Variants in RTN3 observed in about 807,000 individuals in gnomAD.
RTN3 encodes reticulon 3.
A neutral mutation model predicts 77.8 loss-of-function variants in RTN3; 49 were observed. The ratio of observed to expected loss-of-function variants is 0.63; its 90% CI spans 0.50 to 0.80. The LOEUF is 0.80. Among genes scored for constraint, RTN3 ranks in the 30% least tolerant of loss-of-function variants. RTN3 has a pLI of 0.00. For missense variants in RTN3, 1,236 were observed against 1,211.9 expected, an observed-to-expected ratio of 1.02 and a Z score of -0.29; for synonymous variants, 464 against 446.9, an observed-to-expected ratio of 1.04 and a Z score of -0.48.
Position 63,720,232 on chromosome 11 carries a change from C to G in RTN3, c.1730C>G (p.Ala577Gly). The G allele has an allele frequency of 6.2e-7, 1 of 1,614,082 alleles. No homozygotes were observed. The change falls in exon 3 of 9, where the codon GCT (alanine) becomes GGT (glycine). Residue 577 changes from alanine to glycine, a missense_variant. Physicochemically the swap from Ala to Gly is moderately conservative, Grantham distance 60. Around this residue, in one of 3 missense-constraint regions of RTN3, gnomAD observed 1,056 missense variants for 990.4 expected, o/e 1.07. Coordinates refer to ENST00000377819, the MANE Select transcript of RTN3 (RefSeq NM_001265589.2). ...DQPDILGRSP[A>G]SEAACSKVPD... ...CCTGATATTCTTGGAAGGAGTCCAG[C>G]TAGTGAGGCAGCATGTTCAAAAGTA...
At chr11:63,693,546 A>G (rs1034048933) in intron 1 of RTN3, among the ~76,000 whole-genome samples, 4 of 152,186 alleles carry the variant, frequency 2.6e-5, no homozygotes, top group Non-Finnish European at 4.4e-5. Context: ...ATTCATTCAT[A>G]AACTTTAGGT....
At position 63,750,072 on chromosome 11, in the gene RTN3, C is replaced by G. The variant is rs1168628509; in HGVS notation, c.2612C>G (p.Ala871Gly). ...ACGCTGATCATGCTGCTTTCCCTGGCAGCTTTCAGTGTCATCAGTGTGGTT... is the reference window on the plus strand; with the variant it reads ...ACGCTGATCATGCTGCTTTCCCTGGGAGCTTTCAGTGTCATCAGTGTGGTT... ...GTTLIMLLSL[A>G]AFSVISVVSY... Residue 871 changes from alanine (A) to glycine (G), a missense_variant, in exon 4 of 9, where the codon GCA (alanine) becomes GGA (glycine). Ala to Gly is a moderately conservative substitution (Grantham distance 60). This residue lies in a region of RTN3 where 39 missense variants were observed against 66.6 expected (regional missense o/e 0.59). Transcript: ENST00000377819. The G allele has an allele frequency of 6.2e-7, 1 of 1,613,526 alleles. No individual in the cohort carries two copies. Among genetic ancestry groups the G allele is most frequent in the East Asian group, 2.2e-5 (1 of 44,900 alleles).
At chr11:63,703,022 A>G (rs1230534586) in intron 1 of RTN3, among the ~76,000 whole-genome samples, 1 of 152,112 alleles carries the variant, frequency 6.6e-6, no homozygotes, top group Non-Finnish European at 1.5e-5. Flanking sequence ...TAGATGGACT[A>G]TGTCTACGTA....
intron 1 of RTN3, among the ~76,000 whole-genome samples, chr11:63,689,860 C>T (rs1434985907): frequency 1.3e-5 from 2 of 152,058 alleles, no homozygotes; most frequent in African/African-American, 4.8e-5. Flanking sequence ...CGGGTTCAAG[C>T]GATTCTCCTG....
rs757063356 is a variant in RTN3, at chr11:63,719,986, ATAG to A, written c.1486_1488del (p.Ser497del). 2 of 1,614,164 alleles carry A rather than the reference ATAG, an allele frequency of 1.2e-6. No homozygotes were observed. Among genetic ancestry groups the A allele is most frequent in the Non-Finnish European group, 1.7e-6 (2 of 1,180,002 alleles). On this transcript the variant is annotated inframe_deletion, in exon 3 of 9. Transcript: ENST00000377819. ...GCATTGGGAGAAATCACAGAAGCTG[ATAG>A]TTCTGGTGAGTCTGATGACACAGTA...
intron 1 of RTN3, 47 bp downstream of exon 1, chr11:63,681,825 A>G: frequency 6.7e-7 from 1 of 1,490,770 alleles, no homozygotes; most frequent in Admixed American, 2.4e-5. Flanking sequence ...GGCGAGCGGG[A>G]GCCTGGGGGC....
chr11:63,723,349 GAAAT>G (rs758506854), intron 3 of RTN3, among the ~76,000 whole-genome samples: 25 of 150,092 alleles, frequency 1.7e-4, no homozygotes, highest in South Asian at 1.0e-3. Flanking sequence ...TCATTGCAGT[GAAAT>G]AAATAAATAA....
intron 1 of RTN3, 118 bp downstream of exon 1, chr11:63,681,896 AGCCCCCC>A: frequency 1.8e-6 from 2 of 1,128,110 alleles, no homozygotes; most frequent in Non-Finnish European, 2.4e-6. Flanking sequence ...TGACGGCTTC[AGCCCCCC>A]GGGGACGAGC....
In RTN3 at chr11:63,724,173, C is replaced by CTTTT. The variant is rs958114305; in HGVS notation, c.2530+3165_2530+3168dup. On this transcript the variant is annotated intron_variant, in intron 3 of 8. Transcript: ENST00000377819. Reference sequence around the variant, plus strand: ...CCTAGCAATCTTGTTTTTAGGAATTCTTTTTTTTTTTTTTTTTTTTTTTTT... The same window carrying CTTTT: ...CCTAGCAATCTTGTTTTTAGGAATTCTTTTTTTTTTTTTTTTTTTTTTTTTTTTT... Among the ~76,000 whole-genome samples the CTTTT allele has an allele frequency of 8.4e-4, 72 of 85,454 alleles. 2 individuals carry two copies. The highest frequency in any genetic ancestry group is 2.0e-3 in the African/African-American group (41 of 20,606). The allele number at this position is 85,454 out of a possible 152,430, so 56.1% of individuals were successfully genotyped here. A position where few individuals can be genotyped will look rare whatever the true frequency, so the allele number is the denominator to read the frequency against.
At chr11:63,710,269 AATC>A (rs1942687324) in intron 2 of RTN3, among the ~76,000 whole-genome samples, 1 of 152,108 alleles carries the variant, frequency 6.6e-6, no homozygotes, top group Non-Finnish European at 1.5e-5. Context: ...GGACTCAAGC[AATC>A]TTCCCGCCTC....
At chr11:63,747,113 TG>T (rs2013843413) in intron 3 of RTN3, 1 of 427,774 alleles carries the variant, frequency 2.3e-6, no homozygotes, top group African/African-American at 2.0e-5. Context: ...CAATCTGGGT[TG>T]GTCTGGTGTT....
At chr11:63,746,401 G>C (rs999164410) in intron 3 of RTN3, among the ~76,000 whole-genome samples, 1 of 152,150 alleles carries the variant, frequency 6.6e-6, no homozygotes, top group African/African-American at 2.4e-5. Context: ...TTTGAGAGCT[G>C]ATTGCAAACA....
intron 1 of RTN3, among the ~76,000 whole-genome samples, chr11:63,691,559 A>G (rs1018072722): frequency 3.9e-5 from 6 of 151,964 alleles, no homozygotes; most frequent in African/African-American, 1.5e-4. Context: ...GCCTGTCCCA[A>G]TCTTTCCTTT....
At chr11:63,744,208 C>A (rs1244274618) in intron 3 of RTN3, among the ~76,000 whole-genome samples, 1 of 118,502 alleles carries the variant, frequency 8.4e-6, no homozygotes, top group Non-Finnish European at 1.6e-5. Flanking sequence ...CACCATTGCA[C>A]TCGAGCCTGG....
chr11:63,752,957 T>G, intron 5 of RTN3, 112 bp from the exon 6 acceptor site: 1 of 1,038,696 alleles, frequency 9.6e-7, no homozygotes, highest in Non-Finnish European at 1.5e-6. Context: ...ATTGTCCATG[T>G]CACACATCAC....
At chr11:63,743,736 G>A (rs1407032695) in intron 3 of RTN3, among the ~76,000 whole-genome samples, 26 of 150,414 alleles carry the variant, frequency 1.7e-4, no homozygotes, top group Non-Finnish European at 5.9e-5. Flanking sequence ...CCAACATGGT[G>A]AAACCCTGTC....
Position 63,758,550 on chromosome 11 carries a change from T to C in RTN3, c.*349T>C. 1.9e-6 allele frequency: 1 copy of C among 523,708 alleles called. No homozygotes were observed. Among genetic ancestry groups the C allele is most frequent in the Non-Finnish European group, 3.3e-6 (1 of 301,960 alleles). 32.4% of individuals were successfully genotyped at this position (523,708 alleles called of 1,614,324 possible). Reference sequence around the variant, plus strand: ...CACCTCTGGGTCCTTCTGTCCAGTTTTCAGCACTAGTCTTACTCAGCTATC... The same window carrying C: ...CACCTCTGGGTCCTTCTGTCCAGTTCTCAGCACTAGTCTTACTCAGCTATC... On this transcript the variant is annotated 3_prime_UTR_variant, in exon 9 of 9. Transcript: ENST00000377819.
At chr11:63,745,400 TA>T (rs1374359154) in intron 3 of RTN3, among the ~76,000 whole-genome samples, 5 of 152,026 alleles carry the variant, frequency 3.3e-5, no homozygotes, top group African/African-American at 1.2e-4. Flanking sequence ...TGAAGAAAAA[TA>T]AAGCTGTTAA....
At chr11:63,699,158 G>A (rs757945873) in intron 1 of RTN3, among the ~76,000 whole-genome samples, 9 of 152,114 alleles carry the variant, frequency 5.9e-5, no homozygotes, top group South Asian at 2.1e-4. Context: ...AAAATTAGCC[G>A]TGTGTGGTAG....
Sources: gnomAD v4.1 joint callset for allele counts (sites outside exome capture counted in the v4.1 genomes callset) on GRCh38, gnomAD v4.1.1 for gene constraint, gnomAD v4.1.1 regional missense constraint, MANE v1.5 for transcripts, NCBI Gene and HGNC (gene_info 2026-07-23, HGNC 2026-07-21) for gene names.